Variants in TTC3 observed in about 807,000 individuals in gnomAD.
TTC3 encodes the protein tetratricopeptide repeat domain 3.
TTC3 carries 180 observed loss-of-function variants against 249.6 expected under a neutral mutation model. The ratio of observed to expected loss-of-function variants is 0.72; its 90% CI spans 0.64 to 0.82. The LOEUF (loss-of-function observed/expected upper bound fraction) is 0.82. Ranked by LOEUF, TTC3 falls within the 40% of genes least tolerant of loss-of-function variation. The probability of loss-of-function intolerance (pLI) is 0.00; values close to 1 mark genes in which losing one functional copy is unlikely to be tolerated. For synonymous variants in TTC3, 717 were observed against 805.0 expected (o/e 0.89, Z 1.85); for missense variants, 2,061 against 2,398.4 (o/e 0.86, Z 2.94).
chr21:37,120,516 A>G (rs1429146994), intron 11 of TTC3, among the ~76,000 whole-genome samples: 1 of 152,186 alleles, frequency 6.6e-6, no homozygotes, highest in Non-Finnish European at 1.5e-5. Flanking sequence ...TAAACTTTGA[A>G]GTCCGTAAAT....
exon 33 of TTC3, chr21:37,165,889 T>C (rs1294200805): frequency 6.2e-7 from 1 of 1,614,238 alleles, no homozygotes; most frequent in African/African-American, 1.3e-5. Context: ...CAGTGTCAGA[T>C]TCATCTTCAG....
At chr21:37,078,411 GAT>G (rs1279045289) in intron 1 of TTC3, among the ~76,000 whole-genome samples, 1 of 152,032 alleles carries the variant, frequency 6.6e-6, no homozygotes, top group Non-Finnish European at 1.5e-5. Flanking sequence ...TTAAGATTTT[GAT>G]CCTTTTTATT....
intron 13 of TTC3, 95 bp from the exon 14 acceptor site, chr21:37,124,524 G>C (rs780978460): frequency 5.4e-4 from 713 of 1,332,676 alleles, no homozygotes; most frequent in Non-Finnish European, 6.7e-4. Context: ...ATAATACCTT[G>C]CTTTCAAGGA....
At chr21:37,109,565 A>G (rs2075427535) in intron 11 of TTC3, among the ~76,000 whole-genome samples, 1 of 152,238 alleles carries the variant, frequency 6.6e-6, no homozygotes, top group South Asian at 2.1e-4. Context: ...GCAGCCCAGA[A>G]GCTCGAACTG....
At chr21:37,076,677 T>C (rs2070903873) in intron 1 of TTC3, among the ~76,000 whole-genome samples, 1 of 146,822 alleles carries the variant, frequency 6.8e-6, no homozygotes. Flanking sequence ...GAAAACTCCC[T>C]TGGGGAAAAC....
At chr21:37,144,766 C>A in intron 21 of TTC3, 121 bp downstream of exon 21, 1 of 1,195,182 alleles carries the variant, frequency 8.4e-7, no homozygotes, top group Non-Finnish European at 1.2e-6. Context: ...CACGCATTTC[C>A]CCTCTACTGT....
chr21:37,077,211 T>A (rs2071015531), intron 1 of TTC3, among the ~76,000 whole-genome samples: 1 of 152,170 alleles, frequency 6.6e-6, no homozygotes, highest in Non-Finnish European at 1.5e-5. Flanking sequence ...TACTGTGATG[T>A]TCTAGAAATT....
intron 5 of TTC3, 21 bp from the exon 6 acceptor site, chr21:37,090,212 T>G (rs759665706): frequency 6.4e-7 from 1 of 1,566,688 alleles, no homozygotes; most frequent in East Asian, 2.3e-5. Context: ...GGAAAAAATA[T>G]GTCCTTTTTT....
chr21:37,116,622 C>T (rs2076161682), intron 11 of TTC3, among the ~76,000 whole-genome samples: 1 of 151,256 alleles, frequency 6.6e-6, no homozygotes, highest in Admixed American at 6.6e-5. Context: ...CCAGCCTGGC[C>T]AACATGTGAA....
chr21:37,139,323 A>G (rs77410799), intron 19 of TTC3, among the ~76,000 whole-genome samples: 4,174 of 152,256 alleles, frequency 0.027, 82 homozygotes, highest in Middle Eastern at 0.044. Context: ...GTCAGTGTAT[A>G]GACATGAGCT....
intron 11 of TTC3, among the ~76,000 whole-genome samples, chr21:37,108,677 T>C (rs903194463): frequency 1.3e-5 from 2 of 152,068 alleles, no homozygotes; most frequent in Non-Finnish European, 2.9e-5. Context: ...CAGGGTGCCT[T>C]AGTGATTGAG....
At chr21:37,083,926 A>T (rs942113623) in intron 1 of TTC3, 1 of 152,166 alleles carries the variant, frequency 6.6e-6, no homozygotes, top group Non-Finnish European at 1.5e-5. Context: ...ACTTGAAAAA[A>T]TTTTAATAGA....
chr21:37,110,984 C>T (rs2075604372), intron 11 of TTC3, among the ~76,000 whole-genome samples: 1 of 152,182 alleles, frequency 6.6e-6, no homozygotes, highest in Non-Finnish European at 1.5e-5. Context: ...AAATAAAATA[C>T]TTCACAGACA....
intron 16 of TTC3, among the ~76,000 whole-genome samples, chr21:37,131,181 A>G (rs2077440825): frequency 6.6e-6 from 1 of 152,100 alleles, no homozygotes; most frequent in East Asian, 1.9e-4. Context: ...TATGCTAATG[A>G]GGTGACTCAA....
intron 10 of TTC3, chr21:37,098,998 A>G (rs1252716366): frequency 6.6e-6 from 1 of 152,186 alleles, no homozygotes; most frequent in African/African-American, 2.4e-5. Context: ...TGCACTCCTC[A>G]GCTGTTCTGG....
chr21:37,112,810 G>A (rs186045720), intron 11 of TTC3, among the ~76,000 whole-genome samples: 14 of 152,212 alleles, frequency 9.2e-5, no homozygotes, highest in Admixed American at 3.3e-4. Flanking sequence ...CTGGCAAACC[G>A]AATCCAGCAA....
chr21:37,172,513 AT>A (rs2148110893), intron 34 of TTC3, 81 bp from the exon 35 acceptor site: 1 of 1,423,684 alleles, frequency 7.0e-7, no homozygotes, highest in African/African-American at 1.5e-5. Context: ...TCCTTTGTTT[AT>A]TTTAAGAAAC....
chr21:37,073,318 T>G (rs1353540595), exon 1 of TTC3: 29 of 552,744 alleles, frequency 5.2e-5, no homozygotes, highest in Admixed American at 6.4e-5. Context: ...CGGCGGCGGC[T>G]GCTGCTGCTG....
At chr21:37,178,739 C>T (rs918151564) in intron 35 of TTC3, among the ~76,000 whole-genome samples, 2 of 152,104 alleles carry the variant, frequency 1.3e-5, no homozygotes, top group African/African-American at 4.8e-5. Context: ...GCAGAAAGAT[C>T]GCTTGAGCCC....
Sources: gnomAD v4.1 joint callset for allele counts (sites outside exome capture counted in the v4.1 genomes callset) on GRCh38, gnomAD v4.1.1 for gene constraint, MANE v1.5 for transcripts, NCBI Gene and HGNC (gene_info 2026-07-23, HGNC 2026-07-21) for gene names.